Variants in SMC6 observed in about 807,000 individuals in gnomAD.
SMC6 encodes the protein structural maintenance of chromosomes protein 6.
Under a neutral mutation model 142.2 loss-of-function variants are expected in SMC6, and 79 were observed. The ratio of observed to expected loss-of-function variants is 0.56; its 90% CI spans 0.46 to 0.67. The LOEUF (loss-of-function observed/expected upper bound fraction) is 0.67. Among genes scored for constraint, SMC6 ranks in the 30% least tolerant of loss-of-function variants. SMC6 has a pLI of 0.00. For synonymous variants in SMC6, 411 were observed against 412.4 expected (o/e 1.00, Z 0.04); for missense variants, 1,072 against 1,284.0 (o/e 0.83, Z 2.52).
intron 2 of SMC6, chr2:17,746,489 T>C (rs1264684220): frequency 2.0e-5 from 3 of 152,190 alleles, no homozygotes; most frequent in Non-Finnish European, 1.5e-5. Context: ...TTTCACAAGT[T>C]ATAAAGTAAT....
At chr2:17,734,871 A>C (rs1045757567) in intron 5 of SMC6, among the ~76,000 whole-genome samples, 7 of 152,188 alleles carry the variant, frequency 4.6e-5, no homozygotes, top group African/African-American at 1.7e-4. Context: ...AGCTGAGATT[A>C]CAGGCACCCA....
rs751799250 is a variant in SMC6, at chr2:17,696,263, A to G, written c.2532+26T>C. On this transcript the variant is annotated intron_variant, in intron 22 of 27. Coordinates refer to ENST00000448223, the MANE Select transcript of SMC6 (RefSeq NM_001142286.2). Reference sequence around the variant, plus strand: ...AATCATGGCTAAGGCTGAAAACAAAATAACTTGAAAAAAATGGTGAAAAAC... The same window carrying G: ...AATCATGGCTAAGGCTGAAAACAAAGTAACTTGAAAAAAATGGTGAAAAAC... The G allele has an allele frequency of 1.0e-5, 16 of 1,578,254 alleles. No homozygotes were observed. In the South Asian group the frequency reaches 1.9e-4, roughly 19 times the overall value.
chr2:17,673,564 T>TG (rs1666864277), intron 25 of SMC6, among the ~76,000 whole-genome samples: 1 of 149,858 alleles, frequency 6.7e-6, no homozygotes, highest in East Asian at 1.9e-4. Context: ...AAAAAAAAAT[T>TG]TTTTTTTTTA....
chr2:17,664,514 A>C lies in SMC6; in HGVS notation c.*985T>G, dbSNP rs1666405932. On this transcript the variant is annotated 3_prime_UTR_variant, in exon 28 of 28. Coordinates refer to ENST00000448223, the MANE Select transcript of SMC6 (RefSeq NM_001142286.2). ...TATCCAATACATTCTTAAAAAGTTT[A>C]GCATGAATCCTAGTATCAAACAAAT... 1 of 152,246 alleles carries C rather than the reference A, an allele frequency of 6.6e-6. No homozygotes were observed. Among genetic ancestry groups the C allele is most frequent in the African/African-American group, 2.4e-5 (1 of 41,472 alleles). 9.4% of individuals were successfully genotyped at this position (152,246 alleles called of 1,614,324 possible). A position where few individuals can be genotyped will look rare whatever the true frequency, so the allele number is the denominator to read the frequency against.
Position 17,708,629 on chromosome 2 carries a change from GA to G in SMC6, c.1845+9del, listed in dbSNP as rs1668668744. On this transcript the variant is annotated intron_variant, in intron 17 of 27. Coordinates refer to ENST00000448223, the MANE Select transcript of SMC6 (RefSeq NM_001142286.2). ...TAACATCAAATACAGCAAAGATCTG[GA>G]GGTCTTACTTTGATTAGTAGCACTG... The G allele has an allele frequency of 7.3e-7, 1 of 1,372,886 alleles. No individual in the cohort carries two copies. The allele number at this position is 1,372,886 out of a possible 1,614,324, so 85.0% of individuals were successfully genotyped here.
At chr2:17,693,848 T>A (rs987700785) in intron 23 of SMC6, among the ~76,000 whole-genome samples, 3 of 151,240 alleles carry the variant, frequency 2.0e-5, no homozygotes, top group African/African-American at 7.3e-5. Context: ...ATACAAAAAT[T>A]AGATGGGCGT....
intron 23 of SMC6, 76 bp from the exon 24 acceptor site, chr2:17,683,839 T>TGAG: frequency 7.3e-7 from 1 of 1,376,130 alleles, no homozygotes; most frequent in South Asian, 1.2e-5. Context: ...CAAACAGATT[T>TGAG]AACTGGGAAG....
chr2:17,700,411 T>C (rs1668212159), intron 20 of SMC6, 33 bp from the exon 21 acceptor site: 5 of 1,482,906 alleles, frequency 3.4e-6, no homozygotes, highest in Non-Finnish European at 4.5e-6. Context: ...TAAGGTTAAT[T>C]AAAATACTTT....
At chr2:17,738,474 G>C (rs548656375) in intron 4 of SMC6, 148 bp from the exon 5 acceptor site, 1 of 502,390 alleles carries the variant, frequency 2.0e-6, no homozygotes. Flanking sequence ...CCCGTGCAAA[G>C]CAACAACTTA....
intron 8 of SMC6, 119 bp from the exon 9 acceptor site, chr2:17,725,477 T>C (rs1473385516): frequency 1.6e-6 from 1 of 607,674 alleles, no homozygotes. Context: ...TAAAAAGACA[T>C]TAAAAACGTA....
chr2:17,727,958 C>T (rs1278175593), intron 7 of SMC6, among the ~76,000 whole-genome samples: 2 of 152,172 alleles, frequency 1.3e-5, no homozygotes, highest in African/African-American at 4.8e-5. Flanking sequence ...CAAAGCCCCC[C>T]CAGCTCTTCA....
chr2:17,673,673 G>A (rs1471339977), intron 25 of SMC6, among the ~76,000 whole-genome samples: 5 of 151,386 alleles, frequency 3.3e-5, no homozygotes, highest in South Asian at 2.1e-4. Flanking sequence ...GGGTTTAAGC[G>A]ATTCTCCTGC....
At chr2:17,714,092 G>GTTTTTTTT (rs10574833) in intron 16 of SMC6, among the ~76,000 whole-genome samples, 1 of 139,070 alleles carries the variant, frequency 7.2e-6, no homozygotes, top group Non-Finnish European at 1.6e-5. Flanking sequence ...TGTTTTTTTT[G>GTTTTTTTT]TTTTTTTTTT....
In SMC6 at chr2:17,665,193, C is replaced by T. The variant is rs755119325; in HGVS notation, c.*306G>A. On this transcript the variant is annotated 3_prime_UTR_variant, in exon 28 of 28. Coordinates refer to ENST00000448223, the MANE Select transcript of SMC6 (RefSeq NM_001142286.2). ...TGAACCCAAACTAAACAGATATGTA[C>T]ATGTATATATGTACAAAATTTTACT... 2 of 180,910 alleles carry T rather than the reference C, an allele frequency of 1.1e-5. No individual in the cohort carries two copies. Among genetic ancestry groups the T allele is most frequent in the East Asian group, 1.4e-4 (1 of 7,062 alleles). 11.2% of individuals were successfully genotyped at this position (180,910 alleles called of 1,614,324 possible).
At chr2:17,749,064 A>C (rs1038329040) in intron 2 of SMC6, among the ~76,000 whole-genome samples, 8 of 152,236 alleles carry the variant, frequency 5.3e-5, no homozygotes, top group Non-Finnish European at 8.8e-5. Flanking sequence ...TAAAATAGGA[A>C]TCACTTTGTA....
intron 4 of SMC6, among the ~76,000 whole-genome samples, chr2:17,739,837 C>CAG (rs1558377956): frequency 6.7e-5 from 7 of 104,456 alleles, no homozygotes; most frequent in African/African-American, 3.1e-4. Context: ...CACACACACA[C>CAG]ACACACAGAC....
At chr2:17,667,991 G>C (rs1666579463) in intron 26 of SMC6, among the ~76,000 whole-genome samples, 1 of 152,044 alleles carries the variant, frequency 6.6e-6, no homozygotes, top group Non-Finnish European at 1.5e-5. Context: ...AATTCCATCA[G>C]GCATATCTGC....
chr2:17,708,702 A>T lies in SMC6; in HGVS notation c.1782T>A (p.Asp594Glu). 1 of 1,564,894 alleles carries T rather than the reference A, an allele frequency of 6.4e-7. No homozygotes were observed. The highest frequency in any genetic ancestry group is 1.2e-5 in the South Asian group (1 of 83,090). Reference sequence around the variant, plus strand: ...TTAGGCTATTTGCCACAACCGCATTATCTATTTCTAAAGCTGTCAGAACTG... The same window carrying T: ...TTAGGCTATTTGCCACAACCGCATTTTCTATTTCTAAAGCTGTCAGAACTG... ...FPTVLTALEIDNAVVANSLID... is the reference protein window; with the variant it reads ...FPTVLTALEIENAVVANSLID... The change falls in exon 17 of 28, where the codon GAT (aspartate) becomes GAA (glutamate). Residue 594 changes from aspartate to glutamate, a missense_variant. Physicochemically the swap from Asp to Glu is conservative, Grantham distance 45. Transcript: ENST00000448223.
chr2:17,750,064 T>C (rs1335190585), intron 2 of SMC6, among the ~76,000 whole-genome samples: 3 of 152,228 alleles, frequency 2.0e-5, no homozygotes, highest in South Asian at 2.1e-4. Context: ...ATATGAGACT[T>C]ATTCATTAAG....
Sources: gnomAD v4.1 joint callset for allele counts (sites outside exome capture counted in the v4.1 genomes callset) on GRCh38, gnomAD v4.1.1 for gene constraint, MANE v1.5 for transcripts, NCBI Gene and HGNC (gene_info 2026-07-23, HGNC 2026-07-21) for gene names.